Variants in TBX22 observed in about 807,000 individuals in gnomAD.
TBX22 encodes T-box transcription factor 22.
TBX22 carries 8 observed loss-of-function variants against 30.1 expected under a neutral mutation model. The ratio of observed to expected loss-of-function variants is 0.27; its 90% CI spans 0.16 to 0.48. The LOEUF (loss-of-function observed/expected upper bound fraction) is 0.48. Among genes scored for constraint, TBX22 ranks in the 20% least tolerant of loss-of-function variants. TBX22 has a pLI of 0.99. For missense variants in TBX22, 463 were observed against 400.5 expected (o/e 1.16, Z -1.33); for synonymous variants, 173 against 149.1 (o/e 1.16, Z -1.17).
chrX:80,021,844 G>A (rs967138848), intron 1 of TBX22, among the ~76,000 whole-genome samples: 2 of 111,997 alleles, frequency 1.8e-5, no homozygotes, highest in Admixed American at 9.4e-5. Flanking sequence ...CTCCCTAAAA[G>A]GCCAGCACTT....
At chrX:80,018,824 T>C (rs183909064) in intron 1 of TBX22, among the ~76,000 whole-genome samples, 1 of 112,160 alleles carries the variant, frequency 8.9e-6, no homozygotes, top group African/African-American at 3.2e-5. Context: ...AAAAAAGACT[T>C]GTGTAAGGTC....
At chrX:80,029,653 G>A (rs1350338381) in intron 8 of TBX22, among the ~76,000 whole-genome samples, 5 of 112,010 alleles carry the variant, frequency 4.5e-5, no homozygotes, top group Non-Finnish European at 9.4e-5. Context: ...CCTTTGGTCA[G>A]AGGAATTTAA....
chrX:80,022,761 C>T (rs753786075), intron 2 of TBX22: 7 of 413,033 alleles, frequency 1.7e-5, no homozygotes, highest in South Asian at 1.4e-4. Context: ...TCCCAAATCC[C>T]GAGGGCATCC....
Position 80,031,170 on chromosome X carries a change from C to T in TBX22, c.*59C>T, listed in dbSNP as rs1396267491. ...AAACAAATATTTTCTTTATTTGTAG[C>T]CAAAGAAATTTCAACAGTTATTGGG... On this transcript the variant is annotated 3_prime_UTR_variant, in exon 9 of 9. Transcript: ENST00000373296. The T allele has an allele frequency of 7.1e-5, 78 of 1,095,169 alleles. No individual in the cohort carries two copies. Among genetic ancestry groups the T allele is most frequent in the Non-Finnish European group, 9.4e-5 (76 of 807,228 alleles). The allele number at this position is 1,095,169 out of a possible 1,213,427, so 90.3% of individuals were successfully genotyped here.
chrX:80,025,807 AG>A, intron 5 of TBX22, 30 bp downstream of exon 5: 2 of 1,166,099 alleles, frequency 1.7e-6, no homozygotes, highest in Non-Finnish European at 2.3e-6. Context: ...TACCCCGAGG[AG>A]GGAGGTGCCA....
chrX:80,023,131 A>T lies in TBX22; in HGVS notation c.247A>T (p.Ser83Cys), dbSNP rs1205788287. 8.3e-7 allele frequency: 1 copy of T among 1,211,742 alleles called. No individual in the cohort carries two copies. Among genetic ancestry groups the T allele is most frequent in the South Asian group, 1.8e-5 (1 of 56,997 alleles). ...CGGCAGCGACAGCGGCTACGGCAAC[A>T]GCTCTGAAAGTCTGGAAGAGAAAGA... Reference protein sequence around the residue: ...GCGSDSGYGNSSESLEEKDIQ... With the variant: ...GCGSDSGYGNCSESLEEKDIQ... Residue 83 changes from serine (S) to cysteine (C), a missense_variant, in exon 3 of 9, where the codon AGC (serine) becomes TGC (cysteine). Physicochemically the swap from Ser to Cys is moderately radical, Grantham distance 112. Transcript: ENST00000373296.
chrX:80,031,165 TG>T lies in TBX22; in HGVS notation c.*55del, dbSNP rs1924238245. ...CATGTAAACAAATATTTTCTTTATT[TG>T]TAGCCAAAGAAATTTCAACAGTTAT... is the stretch of plus-strand genomic sequence containing the variant. On this transcript the variant is annotated 3_prime_UTR_variant, in exon 9 of 9. Transcript: ENST00000373296. 9.8e-6 allele frequency: 11 copies of T among 1,120,335 alleles called. No homozygotes were observed. Among genetic ancestry groups the T allele is most frequent in the Non-Finnish European group, 1.3e-5 (11 of 826,916 alleles). The allele number at this position is 1,120,335 out of a possible 1,213,427, so 92.3% of individuals were successfully genotyped here. A position where few individuals can be genotyped will look rare whatever the true frequency, so the allele number is the denominator to read the frequency against.
intron 6 of TBX22, 45 bp downstream of exon 6, chrX:80,026,913 G>A (rs1405280057): frequency 8.6e-7 from 1 of 1,165,038 alleles, no homozygotes; most frequent in Admixed American, 2.2e-5. Context: ...GCTCCAGAGG[G>A]ACCTTGGATT....
At chrX:80,023,286 A>G (rs1207848367) in intron 3 of TBX22, 46 bp downstream of exon 3, 4 of 1,132,175 alleles carry the variant, frequency 3.5e-6, no homozygotes, top group Non-Finnish European at 4.8e-6. Flanking sequence ...CACATTAGGC[A>G]CTTAATTTAC....
At chrX:80,029,493 T>C (rs895365094) in intron 8 of TBX22, among the ~76,000 whole-genome samples, 1 of 112,266 alleles carries the variant, frequency 8.9e-6, no homozygotes. Context: ...TCTTAAGATA[T>C]AATGCAGTAT....
intron 2 of TBX22, 86 bp downstream of exon 2, chrX:80,022,530 A>C: frequency 7.0e-6 from 7 of 1,000,250 alleles, no homozygotes; most frequent in East Asian, 3.3e-5. Flanking sequence ...ACGCAGCCAG[A>C]CAGCCACATT....
At chrX:80,018,093 A>G (rs1036379951) in intron 1 of TBX22, among the ~76,000 whole-genome samples, 26 of 112,219 alleles carry the variant, frequency 2.3e-4, no homozygotes, top group African/African-American at 8.1e-4. Flanking sequence ...ACTCAAGACT[A>G]GATGAATAAA....
rs1378785446 is a variant in TBX22 at position 80,022,413 on chromosome X, G to C, written c.144G>C (p.Arg48Ser). 1 of 1,196,789 alleles carries C rather than the reference G, an allele frequency of 8.4e-7. No individual in the cohort carries two copies. The highest frequency in any genetic ancestry group is 1.1e-6 in the Non-Finnish European group (1 of 888,615). Residue 48 changes from arginine (R) to serine (S), a missense_variant, in exon 2 of 9, where the codon AGG becomes AGC. By Grantham distance (110) the Arg-to-Ser change is moderately radical (BLOSUM62 -1). Transcript: ENST00000373296. Reference protein sequence around the residue: ...KKGGEEEEERRSSAAGKSEPL... With the variant: ...KKGGEEEEERSSSAAGKSEPL... ...GCGGAGAGGAAGAGGAGGAGAGAAGGAGCAGCGCTGCAGGGAAGAGCGAGC... is the reference window on the plus strand; with the variant it reads ...GCGGAGAGGAAGAGGAGGAGAGAAGCAGCAGCGCTGCAGGGAAGAGCGAGC...
At chrX:80,023,284 G>A in intron 3 of TBX22, 44 bp downstream of exon 3, 1 of 1,154,497 alleles carries the variant, frequency 8.7e-7, no homozygotes, top group Non-Finnish European at 1.2e-6. Flanking sequence ...CACACATTAG[G>A]CACTTAATTT....
At chrX:80,026,378 A>C (rs1479838209) in intron 5 of TBX22, among the ~76,000 whole-genome samples, 2 of 111,856 alleles carry the variant, frequency 1.8e-5, no homozygotes, top group East Asian at 2.8e-4. Context: ...ACCATATCCA[A>C]GCCTATCAGT....
At chrX:80,020,518 G>T (rs1923644672) in intron 1 of TBX22, among the ~76,000 whole-genome samples, 1 of 112,073 alleles carries the variant, frequency 8.9e-6, no homozygotes, top group African/African-American at 3.2e-5. Flanking sequence ...CTAGGATAGG[G>T]ACAGTGTCTT....
In TBX22 at chrX:80,031,041, G is replaced by C. The variant is rs1204623529; in HGVS notation, c.1493G>C (p.Ser498Thr). 2 of 1,210,978 alleles carry C rather than the reference G, an allele frequency of 1.7e-6. No individual in the cohort carries two copies. Among genetic ancestry groups the C allele is most frequent in the South Asian group, 1.8e-5 (1 of 57,010 alleles). The change falls in exon 9 of 9, where the codon AGT becomes ACT. Residue 498 changes from serine to threonine, a missense_variant. Ser to Thr is a moderately conservative substitution (Grantham distance 58). Coordinates refer to ENST00000373296, the MANE Select transcript of TBX22 (RefSeq NM_001109878.2). ...AACCATCTTAAAGTGAATGACGACA[G>C]TCAAGTTTCTTTTGGAGAAGGCAAA... ...GSNHLKVNDD[S>T]QVSFGEGKCN...
In TBX22 at chrX:80,027,433, C is replaced by T. The variant is rs757341754; in HGVS notation, c.863+113C>T. On this transcript the variant is annotated intron_variant, in intron 7 of 8. Coordinates refer to ENST00000373296, the MANE Select transcript of TBX22 (RefSeq NM_001109878.2). ...TCACTCTGTTGCCCAGGCTGGAGTG[C>T]AATGGCACGATCTCAGCTCACTGCA... 5.1e-4 allele frequency: 222 copies of T among 435,347 alleles called. 1 individual carries two copies. In the African/African-American group the frequency reaches 5.1e-3, roughly 10 times the overall value. The allele number at this position is 435,347 out of a possible 1,213,427, so 35.9% of individuals were successfully genotyped here.
chrX:80,026,935 G>C, intron 6 of TBX22, 67 bp downstream of exon 6: 1 of 1,036,500 alleles, frequency 9.6e-7, no homozygotes, highest in Non-Finnish European at 1.4e-6. Flanking sequence ...GAGGCATAGA[G>C]GCTAACTGCC....
Sources: gnomAD v4.1 joint callset for allele counts (sites outside exome capture counted in the v4.1 genomes callset) on GRCh38, gnomAD v4.1.1 for gene constraint, MANE v1.5 for transcripts, NCBI Gene and HGNC (gene_info 2026-07-23, HGNC 2026-07-21) for gene names.